MAGI3: variants seen among roughly 807,000 people sequenced by gnomAD.
MAGI3 encodes the protein membrane-associated guanylate kinase, WW and PDZ domain-containing protein 3.
Under a neutral mutation model 121.8 loss-of-function variants are expected in MAGI3, and 43 were observed. The observed-to-expected ratio is 0.35, with a 90% CI of 0.28 to 0.46. MAGI3 has a LOEUF of 0.46. Ranked by LOEUF, MAGI3 falls within the 20% of genes least tolerant of loss-of-function variation. The probability of loss-of-function intolerance (pLI) is 1.00; values close to 1 mark genes in which losing one functional copy is unlikely to be tolerated. For missense variants in MAGI3, 1,547 were observed against 1,797.3 expected (o/e 0.86, Z 2.52); for synonymous variants, 553 against 639.3 (o/e 0.86, Z 2.04).
At position 113,390,627 on chromosome 1, in the gene MAGI3, C is replaced by G. The variant is rs1650726971; in HGVS notation, c.-407C>G. 6.5e-6 allele frequency: 1 copy of G among 153,254 alleles called. No homozygotes were observed. Among genetic ancestry groups the G allele is most frequent in the Non-Finnish European group, 1.5e-5 (1 of 68,860 alleles). 9.5% of individuals were successfully genotyped at this position (153,254 alleles called of 1,614,324 possible). A position where few individuals can be genotyped will look rare whatever the true frequency, so the allele number is the denominator to read the frequency against. ...TTCTGCGCGCCCCCCACGGATTTTT[C>G]CCGTTCCCGGCTCTTCCCCCTTCAC... On this transcript the variant is annotated 5_prime_UTR_variant, in exon 1 of 21. Coordinates refer to ENST00000307546, the MANE Select transcript of MAGI3 (RefSeq NM_001142782.2).
intron 9 of MAGI3, among the ~76,000 whole-genome samples, chr1:113,630,840 G>A (rs1410768863): frequency 6.6e-6 from 1 of 152,164 alleles, no homozygotes; most frequent in Non-Finnish European, 1.5e-5. Context: ...GCCCTGGCTG[G>A]TGTCTCGTAG....
At chr1:113,510,541 A>G (rs1311533556) in intron 1 of MAGI3, among the ~76,000 whole-genome samples, 1 of 152,076 alleles carries the variant, frequency 6.6e-6, no homozygotes, top group Admixed American at 6.6e-5. Context: ...CTAAAAATAA[A>G]CTTTTGAGAT....
intron 1 of MAGI3, among the ~76,000 whole-genome samples, chr1:113,434,473 A>G (rs1192807225): frequency 6.6e-6 from 1 of 152,170 alleles, no homozygotes; most frequent in Admixed American, 6.5e-5. Flanking sequence ...TGCTTAGAAC[A>G]ACACCTTTTA....
intron 13 of MAGI3, 36 bp downstream of exon 13, chr1:113,649,364 G>T (rs1272867417): frequency 8.8e-6 from 13 of 1,477,440 alleles, no homozygotes; most frequent in Non-Finnish European, 1.1e-5. Flanking sequence ...GCTGTTTCCT[G>T]TTCAAACGTT....
intron 1 of MAGI3, among the ~76,000 whole-genome samples, chr1:113,407,570 G>C (rs1410621833): frequency 8.1e-6 from 1 of 123,094 alleles, no homozygotes; most frequent in Non-Finnish European, 1.8e-5. Context: ...CCATCAATCT[G>C]TCTTTTTTTT....
At chr1:113,574,301 T>C (rs1647488180) in intron 2 of MAGI3, among the ~76,000 whole-genome samples, 2 of 152,196 alleles carry the variant, frequency 1.3e-5, no homozygotes, top group Non-Finnish European at 2.9e-5. Flanking sequence ...TTGGTCTTTA[T>C]ATTTTGGTAT....
chr1:113,648,048 G>A (rs1557873278), intron 12 of MAGI3, among the ~76,000 whole-genome samples: 1 of 151,462 alleles, frequency 6.6e-6, no homozygotes, highest in African/African-American at 2.4e-5. Flanking sequence ...TCAGCCTCCT[G>A]AGTAGCTGGC....
intron 1 of MAGI3, among the ~76,000 whole-genome samples, chr1:113,435,570 A>G (rs1419297725): frequency 1.3e-5 from 2 of 152,164 alleles, no homozygotes; most frequent in Non-Finnish European, 2.9e-5. Flanking sequence ...TCATAGTCAC[A>G]TCATTTATTT....
chr1:113,434,014 G>A (rs1192081731), intron 1 of MAGI3, among the ~76,000 whole-genome samples: 1 of 151,986 alleles, frequency 6.6e-6, no homozygotes, highest in Non-Finnish European at 1.5e-5. Flanking sequence ...GATGAAATGG[G>A]AGCATGTGCC....
At chr1:113,462,396 A>T (rs1052473529) in intron 1 of MAGI3, among the ~76,000 whole-genome samples, 1 of 152,202 alleles carries the variant, frequency 6.6e-6, no homozygotes, top group African/African-American at 2.4e-5. Context: ...GAATGAAATC[A>T]TGTCTTTTGT....
At chr1:113,512,882 G>A (rs989444665) in intron 1 of MAGI3, among the ~76,000 whole-genome samples, 3 of 152,142 alleles carry the variant, frequency 2.0e-5, no homozygotes, top group Non-Finnish European at 4.4e-5. Context: ...AAACCTCATT[G>A]TCTCAGCCCA....
chr1:113,547,248 A>C lies in MAGI3; in HGVS notation c.317-2267A>C, dbSNP rs139027671. On this transcript the variant is annotated intron_variant, in intron 1 of 20. Transcript: ENST00000307546. ...GCAATCTGAGTTTTTAGCATTTTAT[A>C]GTTATCTTTGTACGTTATACCATAT... Among the ~76,000 whole-genome samples, 5 of 152,202 alleles carry C rather than the reference A, an allele frequency of 3.3e-5. No homozygotes were observed. The East Asian group carries it at 9.6e-4, about 29-fold the overall frequency.
At chr1:113,495,369 T>TC in intron 1 of MAGI3, among the ~76,000 whole-genome samples, 1 of 151,860 alleles carries the variant, frequency 6.6e-6, no homozygotes, top group Non-Finnish European at 1.5e-5. Flanking sequence ...TTTTTTTTTT[T>TC]TTTAATTTCA....
At position 113,512,346 on chromosome 1, in the gene MAGI3, C is replaced by T. The variant is rs999500489; in HGVS notation, c.317-37169C>T. ...CAGGCCTTGAAGAGAGAATAATTAA[C>T]TCTATTACTGCAGCAACCACTTAAA... On this transcript the variant is annotated intron_variant, in intron 1 of 20. Coordinates refer to ENST00000307546, the MANE Select transcript of MAGI3 (RefSeq NM_001142782.2). Among the ~76,000 whole-genome samples, 5 of 152,230 alleles carry T rather than the reference C, an allele frequency of 3.3e-5. No individual in the cohort carries two copies. The East Asian group carries it at 9.7e-4, about 29-fold the overall frequency.
At position 113,395,236 on chromosome 1, in the gene MAGI3, G is replaced by A. The variant is rs180756312; in HGVS notation, c.316+3887G>A. Among the ~76,000 whole-genome samples, 1,104 of 150,702 alleles carry A rather than the reference G, an allele frequency of 7.3e-3. 11 individuals are homozygous for A. The highest frequency in any genetic ancestry group is 0.025 in the African/African-American group (1,049 of 41,166). ...TCCCAGGCTTACAATACATTTCTTC[G>A]TACCTTTTTTAAAACAAGAAAATCT... On this transcript the variant is annotated intron_variant, in intron 1 of 20. Coordinates refer to ENST00000307546, the MANE Select transcript of MAGI3 (RefSeq NM_001142782.2).
chr1:113,481,469 TA>T (rs1187321084), intron 1 of MAGI3, among the ~76,000 whole-genome samples: 5 of 152,202 alleles, frequency 3.3e-5, no homozygotes, highest in African/African-American at 1.2e-4. Context: ...ACTATATATA[TA>T]AAGCTTGTAG....
intron 6 of MAGI3, among the ~76,000 whole-genome samples, chr1:113,609,034 C>G (rs960351271): frequency 6.6e-6 from 1 of 152,190 alleles, no homozygotes; most frequent in African/African-American, 2.4e-5. Flanking sequence ...CTCCCACTTA[C>G]AAAACTGGGT....
chr1:113,620,907 T>C (rs1650777503), intron 8 of MAGI3, among the ~76,000 whole-genome samples: 1 of 152,216 alleles, frequency 6.6e-6, no homozygotes, highest in African/African-American at 2.4e-5. Context: ...TATGAGTATG[T>C]AAATTAACAG....
chr1:113,493,425 G>C (rs12132889), intron 1 of MAGI3, among the ~76,000 whole-genome samples: 120,190 of 152,216 alleles, frequency 0.79, 47,910 homozygotes, highest in African/African-American at 0.91. Flanking sequence ...CTATAAAAAC[G>C]TTGGAAGACA....
Sources: allele counts gnomAD v4.1 joint callset (sites outside exome capture counted in the v4.1 genomes callset), GRCh38; gene constraint gnomAD v4.1.1; transcripts MANE v1.5; gene names NCBI Gene and HGNC (gene_info 2026-07-23, HGNC 2026-07-21).